OR2L13: variants seen among roughly 807,000 people sequenced by gnomAD.
OR2L13 encodes olfactory receptor 2L13.
A neutral mutation model predicts 15.3 loss-of-function variants in OR2L13; 14 were observed. That is an observed-to-expected ratio of 0.91 (90% CI 0.60 to 1.43). The LOEUF (loss-of-function observed/expected upper bound fraction) is 1.43, where lower values mean the gene tolerates loss of function less well. Ranked by LOEUF, OR2L13 falls within the 40% of genes most tolerant of loss-of-function variation. The probability of loss-of-function intolerance (pLI) is 0.00; values close to 1 mark genes in which losing one functional copy is unlikely to be tolerated. For synonymous variants in OR2L13, 152 were observed against 142.9 expected, an observed-to-expected ratio of 1.06 and a Z score of -0.45; for missense variants, 367 against 387.9, an observed-to-expected ratio of 0.95 and a Z score of 0.45.
the OR2L13 span, among the ~76,000 whole-genome samples, chr1:247,997,825 T>G: frequency 2.0e-5 from 3 of 152,198 alleles, no homozygotes; most frequent in Non-Finnish European, 4.4e-5. Context: ...AAAGTTTCAG[T>G]GGACATTCCC....
At chr1:247,990,518 T>C in the OR2L13 span, 1 of 1,576,378 alleles carries the variant, frequency 6.3e-7, no homozygotes, top group Non-Finnish European at 8.7e-7. Context: ...TTTATGATTT[T>C]TCTGTATGGA....
the OR2L13 span, among the ~76,000 whole-genome samples, chr1:247,979,539 A>G: frequency 6.6e-6 from 1 of 151,736 alleles, no homozygotes; most frequent in Admixed American, 6.6e-5. Flanking sequence ...TATGTGCCAC[A>G]TTTTTTTTAT....
upstream of OR2L13, chr1:248,097,207 G>C (rs1333002649): frequency 1.3e-5 from 2 of 152,134 alleles, no homozygotes; most frequent in South Asian, 2.1e-4. Flanking sequence ...GTGTTTCTGG[G>C]CTGCAGCCCT....
the OR2L13 span, among the ~76,000 whole-genome samples, chr1:247,957,584 G>T: frequency 6.6e-6 from 1 of 151,892 alleles, no homozygotes; most frequent in Admixed American, 6.6e-5. Flanking sequence ...GACTTTTTTT[G>T]GTTGGTAAGA....
chr1:248,015,174 C>G, the OR2L13 span, among the ~76,000 whole-genome samples: 1 of 152,108 alleles, frequency 6.6e-6, no homozygotes, highest in Non-Finnish European at 1.5e-5. Context: ...AAATTCATAC[C>G]CTTCTCAACA....
Position 248,099,643 on chromosome 1 carries a change from G to C in OR2L13, c.268G>C (p.Gly90Arg), listed in dbSNP as rs558849185. 3.1e-6 allele frequency: 5 copies of C among 1,614,098 alleles called. No individual in the cohort carries two copies. In the South Asian group the frequency reaches 4.4e-5, roughly 14 times the overall value. ...GTACAACTTCCTGTCCGGCCAGAAA[G>C]GCATCTCCTTCCTGGGATGTGGTGT... Residue 90 changes from glycine (G) to arginine (R), a missense_variant, in exon 3 of 3, where the codon GGC becomes CGC. Physicochemically the swap from Gly to Arg is moderately radical, Grantham distance 125 (BLOSUM62 -2). Coordinates refer to ENST00000641714, the Ensembl canonical transcript of OR2L13.
chr1:248,028,657 A>C, the OR2L13 span, among the ~76,000 whole-genome samples: 4 of 152,230 alleles, frequency 2.6e-5, no homozygotes, highest in Non-Finnish European at 5.9e-5. Flanking sequence ...CTACTGCAGA[A>C]GTGTGAAATA....
At chr1:247,951,087 A>T in the OR2L13 span, among the ~76,000 whole-genome samples, 1 of 152,246 alleles carries the variant, frequency 6.6e-6, no homozygotes, top group Non-Finnish European at 1.5e-5. Context: ...AAATTAAATC[A>T]GTTAGCTAGA....
chr1:248,053,736 G>A, the OR2L13 span, among the ~76,000 whole-genome samples: 2 of 152,060 alleles, frequency 1.3e-5, no homozygotes, highest in Non-Finnish European at 2.9e-5. Flanking sequence ...AAATATGTTT[G>A]TTGGCCATAC....
chr1:247,975,680 G>A, the OR2L13 span: 2 of 917,580 alleles, frequency 2.2e-6, no homozygotes, highest in East Asian at 2.5e-5. Context: ...CTGCCTTAGA[G>A]TCCAAGCACT....
chr1:247,979,185 T>G, the OR2L13 span, among the ~76,000 whole-genome samples: 1 of 152,152 alleles, frequency 6.6e-6, no homozygotes, highest in Non-Finnish European at 1.5e-5. Context: ...TATTATACTT[T>G]AAGTTCTAGG....
chr1:248,044,820 A>AC, the OR2L13 span, among the ~76,000 whole-genome samples: 3 of 82,436 alleles, frequency 3.6e-5, no homozygotes, highest in Non-Finnish European at 6.0e-5. Context: ...AAAAAAAAAA[A>AC]AAAAAAAAAA....
the OR2L13 span, among the ~76,000 whole-genome samples, chr1:247,968,837 T>C: frequency 6.6e-6 from 1 of 152,144 alleles, no homozygotes; most frequent in Non-Finnish European, 1.5e-5. Flanking sequence ...CAGCATGATT[T>C]ATAATCCTTT....
chr1:247,995,777 C>G, the OR2L13 span, among the ~76,000 whole-genome samples: 1 of 152,022 alleles, frequency 6.6e-6, no homozygotes, highest in Admixed American at 6.6e-5. Flanking sequence ...CCAGGCTGGT[C>G]CTTGTCACCA....
chr1:248,100,040 T>C, exon 3 of OR2L13: 1 of 1,614,190 alleles, frequency 6.2e-7, no homozygotes, highest in Non-Finnish European at 8.5e-7. Flanking sequence ...CGAGTCCTAT[T>C]TGCTGTCTAT....
At chr1:248,047,196 A>G in the OR2L13 span, among the ~76,000 whole-genome samples, 1 of 152,148 alleles carries the variant, frequency 6.6e-6, no homozygotes, top group African/African-American at 2.4e-5. Flanking sequence ...CATTCATAAT[A>G]ATGATTGTAG....
chr1:248,076,822 C>T, the OR2L13 span, among the ~76,000 whole-genome samples: 1 of 152,116 alleles, frequency 6.6e-6, no homozygotes, highest in Non-Finnish European at 1.5e-5. Context: ...TTCCTAATTG[C>T]ATACCCTTTA....
At chr1:248,008,914 G>T in the OR2L13 span, among the ~76,000 whole-genome samples, 58 of 152,208 alleles carry the variant, frequency 3.8e-4, no homozygotes, top group Non-Finnish European at 7.6e-4. Flanking sequence ...CATGGAAACT[G>T]AACAACCTGC....
chr1:248,013,623 T>C, the OR2L13 span: 5 of 152,290 alleles, frequency 3.3e-5, no homozygotes, highest in South Asian at 1.0e-3. Context: ...TATACATTTC[T>C]TTAAAAACCA....
Sources: gnomAD v4.1 joint callset for allele counts (sites outside exome capture counted in the v4.1 genomes callset) on GRCh38, gnomAD v4.1.1 for gene constraint, MANE v1.5 for transcripts, NCBI Gene and HGNC (gene_info 2026-07-23, HGNC 2026-07-21) for gene names.